CLCN6: variants seen among roughly 807,000 people sequenced by gnomAD.
CLCN6 encodes the protein Cl-/H+ antiporter 6, also known as H(+)/Cl(-) exchange transporter 6.
CLCN6 carries 70 observed loss-of-function variants against 109.8 expected under a neutral mutation model. That is an observed-to-expected ratio of 0.64 (90% CI 0.53 to 0.78). CLCN6 has a LOEUF of 0.78. Ranked by LOEUF, CLCN6 falls within the 30% of genes least tolerant of loss-of-function variation. The pLI, the probability that CLCN6 is intolerant of heterozygous loss-of-function variation, is 0.00. For missense variants in CLCN6, 984 were observed against 1,142.3 expected (o/e 0.86, Z 2.00); for synonymous variants, 444 against 447.8 (o/e 0.99, Z 0.11).
chr1:11,840,312 A>G lies in CLCN6; in HGVS notation c.*89A>G. 8.6e-7 allele frequency: 1 copy of G among 1,158,836 alleles called. No homozygotes were observed. The highest frequency in any genetic ancestry group is 1.3e-6 in the Non-Finnish European group (1 of 777,490). The allele number at this position is 1,158,836 out of a possible 1,614,324, so 71.8% of individuals were successfully genotyped here. ...CAGCTGGCTGGGGCTGTTCCGGGGCATGGAAGATTCCCAGTCACCCACTCA... is the reference window on the plus strand; with the variant it reads ...CAGCTGGCTGGGGCTGTTCCGGGGCGTGGAAGATTCCCAGTCACCCACTCA... On this transcript the variant is annotated 3_prime_UTR_variant, in exon 23 of 23. Transcript: ENST00000346436.
At chr1:11,812,698 G>GTGTC (rs1367450403) in intron 2 of CLCN6, among the ~76,000 whole-genome samples, 2 of 150,806 alleles carry the variant, frequency 1.3e-5, no homozygotes, top group Non-Finnish European at 3.0e-5. Context: ...GTGTGTGTGT[G>GTGTC]TGTGTGTGTG....
chr1:11,839,886 C>T lies in CLCN6; in HGVS notation c.2530-257C>T, dbSNP rs139079586. On this transcript the variant is annotated intron_variant, in intron 22 of 22. Transcript: ENST00000346436. The stretch of plus-strand genomic sequence containing the variant: ...CAGGCTGGTCATGATGGGAGCTGAG[C>T]GCTGAGCATGTGCCCTGTGGAAGGA... 9.8e-5 allele frequency among the ~76,000 whole-genome samples: 15 copies of T among 152,350 alleles called. No homozygotes were observed. In the South Asian group the frequency reaches 1.4e-3, roughly 15 times the overall value.
At chr1:11,826,955 A>T in intron 9 of CLCN6, 134 bp from the exon 10 acceptor site, 3 of 1,117,708 alleles carry the variant, frequency 2.7e-6, no homozygotes, top group Non-Finnish European at 3.8e-6. Context: ...CTGCCTCACC[A>T]GTGACCTGCC....
Position 11,838,577 on chromosome 1 carries a change from C to T in CLCN6, c.2446C>T (p.Pro816Ser), listed in dbSNP as rs770962264. The part of the protein sequence containing the change: ...YMNPSPFTVS[P>S]NTHVSQVFNL... Reference sequence around the variant, plus strand: ...GAACCCTTCGCCTTTCACCGTCTCGCCCAACACCCACGTCTCCCAAGTCTT... The same window carrying T: ...GAACCCTTCGCCTTTCACCGTCTCGTCCAACACCCACGTCTCCCAAGTCTT... The change falls in exon 22 of 23, where the codon CCC (proline) becomes TCC (serine). Residue 816 changes from proline to serine, a missense_variant. By Grantham distance (74) the Pro-to-Ser change is moderately conservative (BLOSUM62 -1). Coordinates refer to ENST00000346436, the MANE Select transcript of CLCN6 (RefSeq NM_001286.5). 6 of 1,613,114 alleles carry T rather than the reference C, an allele frequency of 3.7e-6. No individual in the cohort carries two copies. The East Asian group carries it at 1.1e-4, about 30-fold the overall frequency.
rs1459673420 is a variant in CLCN6, at chr1:11,840,148, G to A, written c.2535G>A (p.Val845=). 29 of 1,613,768 alleles carry A rather than the reference G, an allele frequency of 1.8e-5. No homozygotes were observed. Among genetic ancestry groups the A allele is most frequent in the Non-Finnish European group, 2.4e-5 (28 of 1,179,922 alleles). ...LPVVNAVGEI[V]GIITRHNLTY... ...AGGCCTTCTCTTTGCCCTAGATCGTGGGGATCATCACACGGCACAACCTCA... is the reference window on the plus strand; with the variant it reads ...AGGCCTTCTCTTTGCCCTAGATCGTAGGGATCATCACACGGCACAACCTCA... Residue 845 remains valine, a synonymous_variant, in exon 23 of 23, where the codon GTG becomes GTA. Coordinates refer to ENST00000346436, the MANE Select transcript of CLCN6 (RefSeq NM_001286.5).
chr1:11,841,317 C>T lies in CLCN6; in HGVS notation c.*1094C>T, dbSNP rs557787711. 1 of 152,776 alleles carries T rather than the reference C, an allele frequency of 6.5e-6. No individual in the cohort carries two copies. The highest frequency in any genetic ancestry group is 2.4e-5 in the African/African-American group (1 of 41,584). 9.5% of individuals were successfully genotyped at this position (152,776 alleles called of 1,614,324 possible). A position where few individuals can be genotyped will look rare whatever the true frequency, so the allele number is the denominator to read the frequency against. On this transcript the variant is annotated 3_prime_UTR_variant, in exon 23 of 23. Transcript: ENST00000346436. ...TGTCCCAAGCTTACATACAGAGGCC[C>T]TTCAGGAGGGCCTCCTGTGCCGCAG...
At chr1:11,817,221 TG>T (rs1447539190) in intron 4 of CLCN6, among the ~76,000 whole-genome samples, 2 of 151,864 alleles carry the variant, frequency 1.3e-5, no homozygotes, top group Non-Finnish European at 2.9e-5. Context: ...GCCTCCCGAG[TG>T]GTTAGGACTC....
Position 11,836,985 on chromosome 1 carries a change from CT to C in CLCN6, c.1981-13del. On this transcript the variant is annotated splice_polypyrimidine_tract_variant and intron_variant, in intron 18 of 22. Coordinates refer to ENST00000346436, the MANE Select transcript of CLCN6 (RefSeq NM_001286.5). ...TTGCCCATGCGCAGTAGCCTGTGGC[CT>C]CCCCACCCACAGAAATCCAGCATCC... is the stretch of plus-strand genomic sequence containing the variant. 6.2e-7 allele frequency: 1 copy of C among 1,606,326 alleles called. No individual in the cohort carries two copies.
chr1:11,806,419 G>GTGGGGCCGGGCCAATC (rs1644510994), intron 1 of CLCN6, 70 bp downstream of exon 1: 1 of 1,387,426 alleles, frequency 7.2e-7, no homozygotes, highest in Non-Finnish European at 9.4e-7. Context: ...GTTGCCGGGG[G>GTGGGGCCGGGCCAATC]TGGGGCCGGG....
rs555574714 is a variant in CLCN6, at chr1:11,843,090, A to T, written c.*2867A>T. ...GAACCTTTGGAACTTGGGAGTTCTC[A>T]TTGTAACCCTAACATGTGAGAATAA... is the stretch of plus-strand genomic sequence containing the variant. On this transcript the variant is annotated 3_prime_UTR_variant, in exon 23 of 23. Transcript: ENST00000346436. 6.6e-6 allele frequency: 1 copy of T among 152,306 alleles called. No homozygotes were observed. Among genetic ancestry groups the T allele is most frequent in the South Asian group, 2.1e-4 (1 of 4,828 alleles). The allele number at this position is 152,306 out of a possible 1,614,324, so 9.4% of individuals were successfully genotyped here.
intron 2 of CLCN6, among the ~76,000 whole-genome samples, chr1:11,813,285 G>A (rs1644625969): frequency 2.0e-5 from 3 of 152,096 alleles, no homozygotes; most frequent in South Asian, 4.1e-4. Flanking sequence ...CCTCTTGGCC[G>A]CTACAATACA....
At chr1:11,808,818 G>A (rs117904778) in intron 2 of CLCN6, among the ~76,000 whole-genome samples, 2 of 151,632 alleles carry the variant, frequency 1.3e-5, no homozygotes, top group East Asian at 3.9e-4. Context: ...GAACCAAAAA[G>A]CACTGTATCC....
intron 13 of CLCN6, among the ~76,000 whole-genome samples, 175 bp from the exon 14 acceptor site, chr1:11,833,340 G>C (rs1162775336): frequency 1.3e-5 from 2 of 152,168 alleles, no homozygotes; most frequent in Admixed American, 6.5e-5. Flanking sequence ...TGTGCATTCA[G>C]AATGTGAAGA....
chr1:11,826,356 C>A (rs1245690320), intron 9 of CLCN6, 142 bp downstream of exon 9: 2 of 683,358 alleles, frequency 2.9e-6, no homozygotes, highest in South Asian at 1.8e-5. Context: ...TTGAACTTTT[C>A]TTCTGGAAAT....
rs1164025345 is a variant in CLCN6 at position 11,841,403 on chromosome 1, T to G, written c.*1180T>G. The G allele has an allele frequency of 2.6e-5, 4 of 152,404 alleles. No individual in the cohort carries two copies. The highest frequency in any genetic ancestry group is 5.9e-5 in the Non-Finnish European group (4 of 68,032). 9.4% of individuals were successfully genotyped at this position (152,404 alleles called of 1,614,324 possible). ...GTGCCTGAAGGTTTCACATGAAGCATGGGAAGCGCACCCTGTCGTTCAGTG... is the reference window on the plus strand; with the variant it reads ...GTGCCTGAAGGTTTCACATGAAGCAGGGGAAGCGCACCCTGTCGTTCAGTG... On this transcript the variant is annotated 3_prime_UTR_variant, in exon 23 of 23. Coordinates refer to ENST00000346436, the MANE Select transcript of CLCN6 (RefSeq NM_001286.5).
Position 11,808,224 on chromosome 1 carries a change from TG to T in CLCN6, c.147+1035del, listed in dbSNP as rs1195075341. On this transcript the variant is annotated intron_variant, in intron 2 of 22. Coordinates refer to ENST00000346436, the MANE Select transcript of CLCN6 (RefSeq NM_001286.5). The stretch of plus-strand genomic sequence containing the variant: ...TTATTTTTTATTGTATGTGTGTGTG[TG>T]TTTGTGTGTGTGTGTGTGTGTGTGT... Among the ~76,000 whole-genome samples the T allele has an allele frequency of 2.6e-4, 31 of 118,400 alleles. No homozygotes were observed. The East Asian group carries it at 2.6e-3, about 10-fold the overall frequency. 77.7% of individuals were successfully genotyped at this position (118,400 alleles called of 152,430 possible).
chr1:11,832,478 C>T (rs1644893726), intron 13 of CLCN6, among the ~76,000 whole-genome samples: 1 of 152,244 alleles, frequency 6.6e-6, no homozygotes, highest in Non-Finnish European at 1.5e-5. Context: ...GAGCTCATCC[C>T]CCGTGCACTC....
chr1:11,808,406 T>C (rs1204247634), intron 2 of CLCN6, among the ~76,000 whole-genome samples: 1 of 152,126 alleles, frequency 6.6e-6, no homozygotes, highest in Non-Finnish European at 1.5e-5. Flanking sequence ...CCTTCCCATG[T>C]TATTTTGAAA....
intron 13 of CLCN6, among the ~76,000 whole-genome samples, chr1:11,832,899 T>C (rs1437700423): frequency 6.6e-6 from 1 of 152,132 alleles, no homozygotes; most frequent in Non-Finnish European, 1.5e-5. Context: ...GAAGAAATAA[T>C]CTCTTTTTCT....
Sources: allele counts gnomAD v4.1 joint callset (sites outside exome capture counted in the v4.1 genomes callset), GRCh38; gene constraint gnomAD v4.1.1; transcripts MANE v1.5; gene names NCBI Gene and HGNC (gene_info 2026-07-23, HGNC 2026-07-21).